The following ANAPC10 variants were observed in gnomAD, a reference collection of about 807,000 sequenced individuals.
ANAPC10 encodes anaphase-promoting complex subunit 10.
Under a neutral mutation model 22.0 loss-of-function variants are expected in ANAPC10, and 12 were observed. The ratio of observed to expected loss-of-function variants is 0.55; its 90% CI spans 0.35 to 0.88. The LOEUF is 0.88. Ranked by LOEUF, ANAPC10 falls within the 40% of genes least tolerant of loss-of-function variation. The pLI is 0.01. For synonymous variants in ANAPC10, 65 were observed against 69.5 expected, an observed-to-expected ratio of 0.94 and a Z score of 0.32; for missense variants, 188 against 220.9, an observed-to-expected ratio of 0.85 and a Z score of 0.94.
chr4:145,010,988 A>G (rs963571455), intron 4 of ANAPC10, among the ~76,000 whole-genome samples: 2 of 152,094 alleles, frequency 1.3e-5, no homozygotes, highest in Admixed American at 6.6e-5. Context: ...AAGCTTCCAC[A>G]ATAGAAGTCA....
intron 4 of ANAPC10, among the ~76,000 whole-genome samples, chr4:145,053,296 T>C (rs552521555): frequency 5.6e-4 from 86 of 152,308 alleles, no homozygotes; most frequent in Non-Finnish European, 1.0e-3. Context: ...AAGATTAAAA[T>C]AGATAGCTAA....
At chr4:145,018,237 A>G (rs1450104103) in intron 4 of ANAPC10, among the ~76,000 whole-genome samples, 3 of 152,062 alleles carry the variant, frequency 2.0e-5, no homozygotes, top group Non-Finnish European at 2.9e-5. Flanking sequence ...CAGGCAACAA[A>G]TAGCATGATG....
chr4:145,089,438 T>G (rs543276318), intron 2 of ANAPC10, among the ~76,000 whole-genome samples: 1 of 152,310 alleles, frequency 6.6e-6, no homozygotes. Flanking sequence ...CCCCTAAATT[T>G]GTTTTTCAAC....
intron 4 of ANAPC10, among the ~76,000 whole-genome samples, chr4:145,034,525 A>T (rs1349557091): frequency 7.6e-6 from 1 of 131,636 alleles, no homozygotes; most frequent in Non-Finnish European, 1.5e-5. Flanking sequence ...ACTCTCCTTT[A>T]TATATATATA....
At chr4:145,012,295 A>G (rs1312991530) in intron 4 of ANAPC10, among the ~76,000 whole-genome samples, 1 of 151,424 alleles carries the variant, frequency 6.6e-6, no homozygotes, top group Non-Finnish European at 1.5e-5. Flanking sequence ...CATATTGAAA[A>G]TATTGTCACT....
At chr4:145,087,063 T>C (rs1418201476) in intron 2 of ANAPC10, among the ~76,000 whole-genome samples, 2 of 151,900 alleles carry the variant, frequency 1.3e-5, no homozygotes, top group Non-Finnish European at 2.9e-5. Context: ...GGCTTGGTCT[T>C]CTGAATGCTC....
At chr4:145,012,215 CATAT>C (rs1173691539) in intron 4 of ANAPC10, among the ~76,000 whole-genome samples, 1 of 144,766 alleles carries the variant, frequency 6.9e-6, no homozygotes, top group Non-Finnish European at 1.5e-5. Context: ...CATATATATA[CATAT>C]ATATAAATTT....
At chr4:145,097,773 A>G (rs1373472315) in intron 1 of ANAPC10, 1 of 347,116 alleles carries the variant, frequency 2.9e-6, no homozygotes, top group African/African-American at 2.1e-5. Flanking sequence ...AAAAAAAGAT[A>G]GAAATAAAGC....
chr4:145,087,131 A>G (rs1747014336), intron 2 of ANAPC10, among the ~76,000 whole-genome samples: 3 of 152,076 alleles, frequency 2.0e-5, no homozygotes, highest in Admixed American at 2.0e-4. Context: ...CCTGACTCAC[A>G]GCCTAAAGCC....
At chr4:145,031,361 C>T (rs958424736) in intron 4 of ANAPC10, among the ~76,000 whole-genome samples, 68 of 152,268 alleles carry the variant, frequency 4.5e-4, no homozygotes, top group Admixed American at 2.7e-3. Flanking sequence ...ATTCCGGGAC[C>T]GTCGACCTCA....
At chr4:145,068,842 G>A (rs1040408180) in intron 3 of ANAPC10, among the ~76,000 whole-genome samples, 1 of 152,192 alleles carries the variant, frequency 6.6e-6, no homozygotes, top group African/African-American at 2.4e-5. Context: ...CCCAGGAGGT[G>A]GAGGTTGCTG....
In ANAPC10 at chr4:145,083,165, A is replaced by G. The variant is rs1746334912; in HGVS notation, c.116-1415T>C. The stretch of plus-strand genomic sequence containing the variant: ...CAATAAATTAACAACAATAATAACA[A>G]TAACAAACACTGATATCACATTAAC... On this transcript the variant is annotated intron_variant, in intron 2 of 4. Transcript: ENST00000507656. 2.0e-5 allele frequency among the ~76,000 whole-genome samples: 3 copies of G among 152,306 alleles called. No homozygotes were observed. The South Asian group carries it at 6.2e-4, about 32-fold the overall frequency.
intron 4 of ANAPC10, among the ~76,000 whole-genome samples, chr4:145,001,272 GAAGAA>G (rs988932131): frequency 1.1e-4 from 16 of 151,070 alleles, no homozygotes; most frequent in Middle Eastern, 3.4e-3. Flanking sequence ...GGGAAAGAAA[GAAGAA>G]AAGAAAAGAA....
At chr4:145,019,772 G>A (rs1222663397) in intron 4 of ANAPC10, among the ~76,000 whole-genome samples, 1 of 152,062 alleles carries the variant, frequency 6.6e-6, no homozygotes, top group Non-Finnish European at 1.5e-5. Context: ...TCACACCACA[G>A]AAATACAAAA....
At chr4:145,054,956 T>C (rs2126370916) in intron 4 of ANAPC10, among the ~76,000 whole-genome samples, 1 of 152,174 alleles carries the variant, frequency 6.6e-6, no homozygotes, top group East Asian at 1.9e-4. Flanking sequence ...TTACCCACCC[T>C]TTTCCATATC....
At chr4:145,049,009 G>A (rs1273740950) in intron 4 of ANAPC10, among the ~76,000 whole-genome samples, 1 of 152,178 alleles carries the variant, frequency 6.6e-6, no homozygotes, top group African/African-American at 2.4e-5. Flanking sequence ...AATAAAGTGA[G>A]TCAGTCATAC....
intron 3 of ANAPC10, among the ~76,000 whole-genome samples, chr4:145,078,829 G>A (rs1048704438): frequency 3.3e-5 from 5 of 152,166 alleles, no homozygotes; most frequent in African/African-American, 4.8e-5. Context: ...GCCATACGCA[G>A]AAGATTGAAA....
rs1287102797 is a variant in ANAPC10, at chr4:145,026,945, A to ATATG, written c.328-31343_328-31342insCATA. Among the ~76,000 whole-genome samples, 95 of 17,142 alleles carry ATATG rather than the reference A, an allele frequency of 5.5e-3. 1 individual carries two copies. The highest frequency in any genetic ancestry group is 8.6e-3 in the Non-Finnish European group (73 of 8,452). The allele number at this position is 17,142 out of a possible 152,430, so 11.2% of individuals were successfully genotyped here. On this transcript the variant is annotated intron_variant, in intron 4 of 4. Coordinates refer to ENST00000507656, the MANE Select transcript of ANAPC10 (RefSeq NM_001256706.2). ...CATATATATATATATATATATATATATGTGTGTGTGTGTATATATATATAT... is the reference window on the plus strand; with the variant it reads ...CATATATATATATATATATATATATATATGTGTGTGTGTGTGTATATATATATAT...
At chr4:145,040,833 A>T (rs895965352) in intron 4 of ANAPC10, among the ~76,000 whole-genome samples, 1 of 152,226 alleles carries the variant, frequency 6.6e-6, no homozygotes, top group Non-Finnish European at 1.5e-5. Flanking sequence ...TACATATGCT[A>T]TAAAGAGATG....
Sources: gnomAD v4.1 joint callset for allele counts (sites outside exome capture counted in the v4.1 genomes callset) on GRCh38, gnomAD v4.1.1 for gene constraint, MANE v1.5 for transcripts, NCBI Gene and HGNC (gene_info 2026-07-23, HGNC 2026-07-21) for gene names.